DNAH5: variants seen among roughly 807,000 people sequenced by gnomAD.
The protein encoded by DNAH5 is dynein axonemal heavy chain 5, also known as axonemal beta dynein heavy chain 5.
Under a neutral mutation model 518.2 loss-of-function variants are expected in DNAH5, and 372 were observed. That is an observed-to-expected ratio of 0.72 (90% CI 0.66 to 0.78). The LOEUF is 0.78. Ranked by LOEUF, DNAH5 falls within the 30% of genes least tolerant of loss-of-function variation. The pLI, the probability that DNAH5 is intolerant of heterozygous loss-of-function variation, is 0.00. For synonymous variants in DNAH5, 2,039 were observed against 2,025.9 expected, an observed-to-expected ratio of 1.01 and a Z score of -0.17; for missense variants, 5,523 against 5,687.0, an observed-to-expected ratio of 0.97 and a Z score of 0.93.
intron 11 of DNAH5, among the ~76,000 whole-genome samples, chr5:13,912,280 T>C (rs2151978730): frequency 6.6e-6 from 1 of 152,176 alleles, no homozygotes; most frequent in Non-Finnish European, 1.5e-5. Context: ...GTCACTTCCA[T>C]TTAAACATCA....
chr5:13,776,495 A>G lies in DNAH5; in HGVS notation c.9317T>C (p.Ile3106Thr), dbSNP rs778312386. ...RNRALKFPAL[I>T]SGCTIDWFSR... is the part of the protein sequence containing the mutation. Reference sequence around the variant, plus strand: ...GAACCAGTCAATTGTGCATCCTGAAATTAGGGCAGGGAACTTCAAAGCTCT... The same window carrying G: ...GAACCAGTCAATTGTGCATCCTGAAGTTAGGGCAGGGAACTTCAAAGCTCT... The change falls in exon 55 of 79, where the codon ATT becomes ACT. Residue 3106 changes from isoleucine to threonine, a missense_variant. Physicochemically the swap from Ile to Thr is moderately conservative, Grantham distance 89. Transcript: ENST00000265104. The G allele has an allele frequency of 3.3e-5, 54 of 1,613,754 alleles. No individual in the cohort carries two copies. Among genetic ancestry groups the G allele is most frequent in the Non-Finnish European group, 4.5e-5 (53 of 1,179,840 alleles).
intron 36 of DNAH5, 100 bp downstream of exon 36, chr5:13,830,497 A>G: frequency 7.0e-7 from 1 of 1,435,948 alleles, no homozygotes; most frequent in South Asian, 1.2e-5. Flanking sequence ...TACAAAGTTG[A>G]AAATGATTCT....
At position 13,753,508 on chromosome 5, in the gene DNAH5, G is replaced by C; in HGVS notation, c.10597C>G (p.Pro3533Ala). The C allele has an allele frequency of 6.2e-7, 1 of 1,613,920 alleles. No homozygotes were observed. The highest frequency in any genetic ancestry group is 8.5e-7 in the Non-Finnish European group (1 of 1,179,944). ...LATAFLSYSG[P>A]FNQEFRDLLL... ...AGATCACGAAACTCTTGGTTAAATG[G>C]ACCAGAATAAGATAGAAAAGCTGTA... is the stretch of plus-strand genomic sequence containing the variant. Residue 3533 changes from proline (P) to alanine (A), a missense_variant, in exon 63 of 79, where the codon CCA (proline) becomes GCA (alanine). Transcript: ENST00000265104.
chr5:13,783,417 G>A (rs1755489986), intron 52 of DNAH5, among the ~76,000 whole-genome samples: 1 of 152,122 alleles, frequency 6.6e-6, no homozygotes, highest in Non-Finnish European at 1.5e-5. Flanking sequence ...CACCCTCCTA[G>A]AGCCTAGTCT....
intron 1 of DNAH5, among the ~76,000 whole-genome samples, chr5:14,006,364 C>G (rs960707976): frequency 1.3e-5 from 2 of 152,150 alleles, no homozygotes; most frequent in African/African-American, 4.8e-5. Context: ...TCACCAAATC[C>G]CACAGACTTG....
At chr5:13,865,513 A>G (rs1196590491) in intron 27 of DNAH5, among the ~76,000 whole-genome samples, 155 bp downstream of exon 27, 1 of 152,224 alleles carries the variant, frequency 6.6e-6, no homozygotes, top group African/African-American at 2.4e-5. Flanking sequence ...AGTAATTAAT[A>G]AATAGCATTT....
intron 47 of DNAH5, among the ~76,000 whole-genome samples, chr5:13,802,897 A>T (rs1050663446): frequency 1.3e-5 from 2 of 152,224 alleles, no homozygotes; most frequent in Non-Finnish European, 2.9e-5. Flanking sequence ...CAGAAATGAG[A>T]GTGTGTATAG....
intron 15 of DNAH5, 113 bp downstream of exon 15, chr5:13,900,093 A>T: frequency 1.0e-6 from 1 of 978,320 alleles, no homozygotes; most frequent in Non-Finnish European, 1.6e-6. Context: ...CCCCTCAGTC[A>T]CTCCATTCAT....
Position 13,832,222 on chromosome 5 carries a change from G to A in DNAH5, c.5883-1447C>T, listed in dbSNP as rs557276921. Among the ~76,000 whole-genome samples, 8 of 152,212 alleles carry A rather than the reference G, an allele frequency of 5.3e-5. No individual in the cohort carries two copies. The South Asian group carries it at 8.3e-4, about 16-fold the overall frequency. On this transcript the variant is annotated intron_variant, in intron 35 of 78. Coordinates refer to ENST00000265104, the MANE Select transcript of DNAH5 (RefSeq NM_001369.3). Reference sequence around the variant, plus strand: ...ACATCTCCATCAACTCTGATCACTCGGCTGCTGTGTTATGCAGACCCTCGT... The same window carrying A: ...ACATCTCCATCAACTCTGATCACTCAGCTGCTGTGTTATGCAGACCCTCGT...
Position 13,727,768 on chromosome 5 carries a change from AT to A in DNAH5, c.11884-113del. ...ACCTCTCCAGATATGTGTAAATTAT[AT>A]TCCTTGGCTATTTTTTTATTTTATA... On this transcript the variant is annotated intron_variant, in intron 69 of 78. Coordinates refer to ENST00000265104, the MANE Select transcript of DNAH5 (RefSeq NM_001369.3). 3.5e-6 allele frequency: 4 copies of A among 1,145,180 alleles called. No homozygotes were observed. The Middle Eastern group carries it at 8.0e-4, about 230-fold the overall frequency. 70.9% of individuals were successfully genotyped at this position (1,145,180 alleles called of 1,614,324 possible).
intron 1 of DNAH5, among the ~76,000 whole-genome samples, chr5:13,969,121 G>A (rs1316478229): frequency 1.3e-5 from 2 of 152,066 alleles, no homozygotes; most frequent in Non-Finnish European, 2.9e-5. Flanking sequence ...ATTCATAGTA[G>A]CCTTGAATGA....
At chr5:13,958,084 T>C (rs1395727132) in intron 1 of DNAH5, among the ~76,000 whole-genome samples, 1 of 151,998 alleles carries the variant, frequency 6.6e-6, no homozygotes, top group African/African-American at 2.4e-5. Context: ...ATCAATTACA[T>C]AGGCCTTGAT....
intron 76 of DNAH5, 81 bp from the exon 77 acceptor site, chr5:13,701,517 A>AC (rs1742118917): frequency 1.6e-6 from 2 of 1,287,358 alleles, no homozygotes; most frequent in South Asian, 2.6e-5. Flanking sequence ...TGAAAAAAAA[A>AC]AAAGATGAAA....
intron 50 of DNAH5, among the ~76,000 whole-genome samples, chr5:13,791,098 AT>A (rs199687256): frequency 6.5e-4 from 99 of 151,452 alleles, no homozygotes; most frequent in African/African-American, 2.3e-3. Flanking sequence ...TCAACAAATA[AT>A]TTTTTAAAAA....
chr5:13,930,059 GAGA>G (rs1158407186), intron 2 of DNAH5, among the ~76,000 whole-genome samples: 1 of 152,174 alleles, frequency 6.6e-6, no homozygotes, highest in African/African-American at 2.4e-5. Flanking sequence ...CAGCTATGAG[GAGA>G]AGGAGAAAGA....
intron 1 of DNAH5, among the ~76,000 whole-genome samples, chr5:13,973,802 G>A (rs1183574378): frequency 2.0e-5 from 3 of 151,392 alleles, no homozygotes; most frequent in African/African-American, 7.3e-5. Flanking sequence ...GCGAATGCCC[G>A]ATGGCAAGAA....
intron 54 of DNAH5, among the ~76,000 whole-genome samples, chr5:13,776,927 C>T (rs1754175331): frequency 2.0e-5 from 3 of 152,106 alleles, no homozygotes; most frequent in Admixed American, 6.6e-5. Flanking sequence ...AATGGACATG[C>T]CAAAAATCTA....
At chr5:13,694,614 T>C (rs1017571) in intron 78 of DNAH5, among the ~76,000 whole-genome samples, 73,783 of 152,064 alleles carry the variant, frequency 0.49, 18,458 homozygotes, top group Non-Finnish European at 0.54. Flanking sequence ...GAATTTCATT[T>C]TCTGACTATT....
chr5:13,859,376 G>T, intron 30 of DNAH5, 76 bp downstream of exon 30: 1 of 1,472,948 alleles, frequency 6.8e-7, no homozygotes, highest in Non-Finnish European at 9.5e-7. Flanking sequence ...GAATATTATT[G>T]CATTATTTAA....
Sources: gnomAD v4.1 joint callset for allele counts (sites outside exome capture counted in the v4.1 genomes callset) on GRCh38, gnomAD v4.1.1 for gene constraint, MANE v1.5 for transcripts, NCBI Gene and HGNC (gene_info 2026-07-23, HGNC 2026-07-21) for gene names.